The following FRMD4A variants were observed in gnomAD, a reference collection of about 807,000 sequenced individuals.
FRMD4A encodes FERM domain-containing protein 4A.
Under a neutral mutation model 129.1 loss-of-function variants are expected in FRMD4A, and 29 were observed. That is an observed-to-expected ratio of 0.22 (90% confidence interval 0.17 to 0.31). The LOEUF is 0.31. Among genes scored for constraint, FRMD4A ranks in the 10% least tolerant of loss-of-function variants. FRMD4A has a pLI of 1.00. For synonymous variants in FRMD4A, 634 were observed against 571.6 expected (o/e 1.11, Z -1.56); for missense variants, 1,272 against 1,375.8 (o/e 0.92, Z 1.19).
chr10:14,055,468 C>A (rs1411925277), intron 2 of FRMD4A, among the ~76,000 whole-genome samples: 520 of 51,170 alleles, frequency 0.01, no homozygotes, highest in Middle Eastern at 0.021. Flanking sequence ...CACAAACACA[C>A]ACACACACAC....
chr10:14,248,286 G>A (rs1443760515), intron 2 of FRMD4A, among the ~76,000 whole-genome samples: 2 of 152,108 alleles, frequency 1.3e-5, no homozygotes, highest in African/African-American at 4.8e-5. Context: ...TTGACTATAT[G>A]AACTCAAAGA....
intron 2 of FRMD4A, among the ~76,000 whole-genome samples, chr10:14,289,688 G>A (rs538547974): frequency 2.6e-5 from 4 of 152,006 alleles, no homozygotes; most frequent in Non-Finnish European, 5.9e-5. Context: ...AACTTCTAAC[G>A]GTGGGAACAA....
rs116272977 is a variant in FRMD4A, at chr10:13,974,596, A to C, written c.46-115684T>G. On this transcript the variant is annotated intron_variant, in intron 2 of 24. Coordinates refer to ENST00000357447, the MANE Select transcript of FRMD4A (RefSeq NM_018027.5). ...GGGTGGAATGCAATGATGCAATCTC[A>C]GCTCGCTGCAACCTCCGCCTCTTGG... Among the ~76,000 whole-genome samples, 1,083 of 152,230 alleles carry C rather than the reference A, an allele frequency of 7.1e-3. 16 individuals are homozygous for C. Among genetic ancestry groups the C allele is most frequent in the African/African-American group, 0.024 (999 of 41,522 alleles).
At chr10:14,241,837 A>C (rs1234537333) in intron 2 of FRMD4A, among the ~76,000 whole-genome samples, 1 of 152,092 alleles carries the variant, frequency 6.6e-6, no homozygotes, top group African/African-American at 2.4e-5. Flanking sequence ...CAGGATGGGA[A>C]GAGTGGCTGA....
At chr10:13,975,714 G>C (rs1356347776) in intron 2 of FRMD4A, among the ~76,000 whole-genome samples, 1 of 151,882 alleles carries the variant, frequency 6.6e-6, no homozygotes, top group Non-Finnish European at 1.5e-5. Flanking sequence ...GTGTCTCTGT[G>C]AATCTCTCTG....
In FRMD4A at chr10:13,659,324, T is replaced by C. The variant is rs1464253855; in HGVS notation, c.2065A>G (p.Arg689Gly). The C allele has an allele frequency of 6.2e-7, 1 of 1,613,772 alleles. No homozygotes were observed. Among genetic ancestry groups the C allele is most frequent in the South Asian group, 1.1e-5 (1 of 91,074 alleles). ...VRSPHYVHST[R>G]SVDISPTRLH... ...AGCAGGAAGGCCAGGCAGACTCACC[T>C]CGTGGAATGGACGTAGTGGGGACTC... Residue 689 changes from arginine to glycine, a missense_variant and splice_region_variant, in exon 21 of 25, where the codon AGG (arginine) becomes GGG (glycine). Coordinates refer to ENST00000357447, the MANE Select transcript of FRMD4A (RefSeq NM_018027.5).
chr10:13,995,704 C>G (rs1307433781), intron 2 of FRMD4A, among the ~76,000 whole-genome samples: 1 of 152,196 alleles, frequency 6.6e-6, no homozygotes, highest in African/African-American at 2.4e-5. Flanking sequence ...AGCTGAGGTT[C>G]TGCTCGTTGA....
chr10:13,906,552 T>C (rs995244204), intron 2 of FRMD4A, among the ~76,000 whole-genome samples: 1 of 152,210 alleles, frequency 6.6e-6, no homozygotes, highest in African/African-American at 2.4e-5. Context: ...ATTATTTCCA[T>C]TATCAGCATC....
chr10:13,854,701 G>A (rs1199284102), intron 3 of FRMD4A, among the ~76,000 whole-genome samples: 1 of 151,762 alleles, frequency 6.6e-6, no homozygotes, highest in African/African-American at 2.4e-5. Flanking sequence ...CAAAGTGCTG[G>A]GATTACAGGT....
At chr10:13,972,916 GTTTA>G (rs1270340015) in intron 2 of FRMD4A, among the ~76,000 whole-genome samples, 1 of 152,178 alleles carries the variant, frequency 6.6e-6, no homozygotes, top group Admixed American at 6.5e-5. Context: ...CATTCCATTT[GTTTA>G]TTTATTATCT....
intron 2 of FRMD4A, among the ~76,000 whole-genome samples, chr10:13,988,709 T>G (rs1035264684): frequency 6.6e-6 from 1 of 152,200 alleles, no homozygotes; most frequent in Non-Finnish European, 1.5e-5. Flanking sequence ...GATGGATGGA[T>G]AGATAGATGG....
At chr10:13,955,490 T>A (rs1441223022) in intron 2 of FRMD4A, among the ~76,000 whole-genome samples, 1 of 152,244 alleles carries the variant, frequency 6.6e-6, no homozygotes, top group Non-Finnish European at 1.5e-5. Context: ...GGTGGCTACA[T>A]GGACTACCAA....
At chr10:14,164,495 A>G (rs1266940809) in intron 2 of FRMD4A, among the ~76,000 whole-genome samples, 1 of 152,202 alleles carries the variant, frequency 6.6e-6, no homozygotes, top group Non-Finnish European at 1.5e-5. Flanking sequence ...TTAAAAATAC[A>G]TGAACTTGTG....
chr10:13,930,480 C>T (rs1416582524), intron 2 of FRMD4A, among the ~76,000 whole-genome samples: 1 of 152,180 alleles, frequency 6.6e-6, no homozygotes, highest in Non-Finnish European at 1.5e-5. Flanking sequence ...TCTGCAGACC[C>T]ATTGATGGCC....
intron 2 of FRMD4A, among the ~76,000 whole-genome samples, chr10:14,164,397 T>C (rs1329536189): frequency 1.3e-5 from 2 of 152,174 alleles, no homozygotes; most frequent in Non-Finnish European, 2.9e-5. Flanking sequence ...GAGCCCCAGG[T>C]CCTGCATCCC....
Position 13,948,166 on chromosome 10 carries a change from T to A in FRMD4A, c.46-89254A>T, listed in dbSNP as rs139303732. On this transcript the variant is annotated intron_variant, in intron 2 of 24. Coordinates refer to ENST00000357447, the MANE Select transcript of FRMD4A (RefSeq NM_018027.5). ...ATAAATAAATGTTATTCACTTATGC[T>A]ACTAAAATGTCATGTTGAAATATAT... is the stretch of plus-strand genomic sequence containing the variant. Among the ~76,000 whole-genome samples, 107 of 152,304 alleles carry A rather than the reference T, an allele frequency of 7.0e-4. 1 individual carries two copies. Among genetic ancestry groups the A allele is most frequent in the African/African-American group, 2.3e-3 (94 of 41,560 alleles).
intron 2 of FRMD4A, among the ~76,000 whole-genome samples, chr10:14,140,061 T>G (rs967253601): frequency 1.3e-5 from 2 of 152,096 alleles, no homozygotes; most frequent in Non-Finnish European, 2.9e-5. Flanking sequence ...ATTGTACATA[T>G]TTTATTTTAT....
chr10:14,052,405 G>A (rs937575274), intron 2 of FRMD4A, among the ~76,000 whole-genome samples: 37 of 152,288 alleles, frequency 2.4e-4, no homozygotes, highest in Non-Finnish European at 4.1e-4. Flanking sequence ...GGTTTATTTG[G>A]CTTACAGTTT....
Position 14,319,557 on chromosome 10 carries a change from A to G in FRMD4A, c.45+10501T>C, listed in dbSNP as rs79984844. On this transcript the variant is annotated intron_variant, in intron 2 of 24. Transcript: ENST00000357447. The stretch of plus-strand genomic sequence containing the variant: ...TCACCAAGACTTCTTCAATGGGGCC[A>G]TGCGGCACATTCAATGTGAAGAAAA... 8.6e-3 allele frequency among the ~76,000 whole-genome samples: 1,305 copies of G among 152,358 alleles called. 7 individuals are homozygous for G. Among genetic ancestry groups the G allele is most frequent in the Non-Finnish European group, 0.014 (930 of 68,030 alleles).
Sources: allele counts gnomAD v4.1 joint callset (sites outside exome capture counted in the v4.1 genomes callset), GRCh38; gene constraint gnomAD v4.1.1; transcripts MANE v1.5; gene names NCBI Gene and HGNC (gene_info 2026-07-23, HGNC 2026-07-21).